MEOX1: variants seen among roughly 807,000 people sequenced by gnomAD.
MEOX1 encodes the protein homeobox protein MOX-1.
In MEOX1, 17 loss-of-function variants were observed where a neutral mutation model predicts 23.2. The ratio of observed to expected loss-of-function variants is 0.73; its 90% CI spans 0.50 to 1.10. The LOEUF (loss-of-function observed/expected upper bound fraction) is 1.10, where lower values mean the gene tolerates loss of function less well. Ranked by LOEUF, MEOX1 falls within the 50% of genes least tolerant of loss-of-function variation. The pLI is 0.00. For synonymous variants in MEOX1, 134 were observed against 135.1 expected, an observed-to-expected ratio of 0.99 and a Z score of 0.06; for missense variants, 333 against 332.2, an observed-to-expected ratio of 1.00 and a Z score of -0.02.
At chr17:43,646,013 A>G (rs1783692372) in intron 1 of MEOX1, among the ~76,000 whole-genome samples, 1 of 152,174 alleles carries the variant, frequency 6.6e-6, no homozygotes, top group South Asian at 2.1e-4. Flanking sequence ...GAACTCGAGA[A>G]GGCGGGGGAG....
At chr17:43,645,407 G>C (rs931935426) in intron 1 of MEOX1, among the ~76,000 whole-genome samples, 1 of 152,072 alleles carries the variant, frequency 6.6e-6, no homozygotes, top group Non-Finnish European at 1.5e-5. Context: ...TCGATCTCCT[G>C]ACCTCGTGAT....
chr17:43,660,979 G>A, intron 1 of MEOX1, 87 bp downstream of exon 1: 1 of 833,656 alleles, frequency 1.2e-6, no homozygotes, highest in East Asian at 2.8e-5. Flanking sequence ...AGAAATTCAT[G>A]CTCAGAGCAC....
intron 1 of MEOX1, among the ~76,000 whole-genome samples, chr17:43,652,033 C>G (rs1972927649): frequency 6.6e-6 from 1 of 152,222 alleles, no homozygotes; most frequent in Non-Finnish European, 1.5e-5. Flanking sequence ...TGGCCGAGGC[C>G]TGGGTCCTGC....
chr17:43,653,787 C>T (rs949601000), intron 1 of MEOX1, among the ~76,000 whole-genome samples: 13 of 152,002 alleles, frequency 8.6e-5, no homozygotes, highest in Admixed American at 5.2e-4. Context: ...GGATTACAGG[C>T]GTGAGCCACC....
chr17:43,648,168 A>G (rs553127410), intron 1 of MEOX1, among the ~76,000 whole-genome samples: 1 of 152,216 alleles, frequency 6.6e-6, no homozygotes, highest in East Asian at 1.9e-4. Context: ...ACCCTGCCAC[A>G]TGAAAGTAAC....
rs765346919 is a variant in MEOX1 at position 43,643,668 on chromosome 17, G to A, written c.470-8C>T. 6.2e-7 allele frequency: 1 copy of A among 1,610,924 alleles called. No individual in the cohort carries two copies. Among genetic ancestry groups the A allele is most frequent in the Non-Finnish European group, 8.5e-7 (1 of 1,178,726 alleles). ...CTCTGTTCTCCTGGTTGTCTGGGGA[G>A]AGAGGACCCCAAACAGGAAGACATG... On this transcript the variant is annotated splice_region_variant and splice_polypyrimidine_tract_variant and intron_variant, in intron 1 of 2. Transcript: ENST00000318579.
At chr17:43,651,842 G>C (rs1465647627) in intron 1 of MEOX1, among the ~76,000 whole-genome samples, 1 of 152,240 alleles carries the variant, frequency 6.6e-6, no homozygotes, top group Non-Finnish European at 1.5e-5. Context: ...GAGCTGAGGT[G>C]ACCCCTGGGC....
At chr17:43,653,141 CTT>C (rs112378872) in intron 1 of MEOX1, among the ~76,000 whole-genome samples, 11 of 116,080 alleles carry the variant, frequency 9.5e-5, no homozygotes, top group Admixed American at 2.7e-4. Flanking sequence ...CTACCATTGC[CTT>C]TTTTTTTTTT....
chr17:43,654,457 G>A lies in MEOX1; in HGVS notation c.469+6609C>T, dbSNP rs147142125. On this transcript the variant is annotated intron_variant, in intron 1 of 2. Transcript: ENST00000318579. ...TGGGAGGCAGAGATTGCAGTGAGCC[G>A]TGATCACGCCATTGTGCTCTAGCCA... Among the ~76,000 whole-genome samples, 636 of 152,150 alleles carry A rather than the reference G, an allele frequency of 4.2e-3. 4 individuals are homozygous for A. The highest frequency in any genetic ancestry group is 0.014 in the Middle Eastern group (4 of 292).
rs558730946 is a variant in MEOX1 at position 43,653,511 on chromosome 17, CTTTT to C, written c.469+7551_469+7554del. On this transcript the variant is annotated intron_variant, in intron 1 of 2. Transcript: ENST00000318579. Reference sequence around the variant, plus strand: ...AGATTCACTCCTAAAACTGCCTCCACTTTTTTTTTTTTTTTTTGAGACAGAGTCT... The same window carrying C: ...AGATTCACTCCTAAAACTGCCTCCACTTTTTTTTTTTTTGAGACAGAGTCT... Among the ~76,000 whole-genome samples the C allele has an allele frequency of 1.9e-4, 26 of 137,882 alleles. 1 individual carries two copies. Among genetic ancestry groups the C allele is most frequent in the Admixed American group, 8.8e-4 (12 of 13,602 alleles). 90.5% of individuals were successfully genotyped at this position (137,882 alleles called of 152,430 possible).
intron 1 of MEOX1, among the ~76,000 whole-genome samples, chr17:43,644,405 G>T (rs1434107227): frequency 6.6e-6 from 1 of 152,242 alleles, no homozygotes; most frequent in Non-Finnish European, 1.5e-5. Context: ...AGTCATAACT[G>T]CCAACAGGGT....
chr17:43,646,242 C>T (rs1323338595), intron 1 of MEOX1, among the ~76,000 whole-genome samples: 5 of 152,134 alleles, frequency 3.3e-5, no homozygotes, highest in African/African-American at 1.2e-4. Flanking sequence ...CAGGGAAGGA[C>T]GCGCAGCCCC....
chr17:43,651,226 G>A (rs1218811496), intron 1 of MEOX1, among the ~76,000 whole-genome samples: 1 of 152,172 alleles, frequency 6.6e-6, no homozygotes, highest in East Asian at 1.9e-4. Flanking sequence ...GGCTGAGGCA[G>A]GAGAATGGCA....
At chr17:43,657,188 T>G (rs1276575323) in intron 1 of MEOX1, among the ~76,000 whole-genome samples, 5 of 113,190 alleles carry the variant, frequency 4.4e-5, no homozygotes, top group African/African-American at 1.8e-4. Flanking sequence ...TTTTTTTTTT[T>G]GATGTAGTCC....
chr17:43,657,340 ATTTTTTTTTTTTT>A (rs34747408), intron 1 of MEOX1, among the ~76,000 whole-genome samples: 1 of 122,240 alleles, frequency 8.2e-6, no homozygotes, highest in South Asian at 2.7e-4. Context: ...CACCTGGCTA[ATTTTTTTTTTTTT>A]TTTTTGTATT....
intron 1 of MEOX1, among the ~76,000 whole-genome samples, chr17:43,658,195 C>T (rs1973073877): frequency 6.6e-6 from 1 of 152,200 alleles, no homozygotes; most frequent in East Asian, 1.9e-4. Flanking sequence ...CAAGGGCATG[C>T]CCAACCCCTC....
At chr17:43,655,779 A>G (rs1196879046) in intron 1 of MEOX1, among the ~76,000 whole-genome samples, 1 of 152,054 alleles carries the variant, frequency 6.6e-6, no homozygotes, top group Non-Finnish European at 1.5e-5. Context: ...CAAACATTGC[A>G]TGATTTCACT....
intron 1 of MEOX1, among the ~76,000 whole-genome samples, chr17:43,656,990 C>T (rs1973031803): frequency 7.2e-6 from 1 of 138,706 alleles, no homozygotes; most frequent in Non-Finnish European, 1.5e-5. Flanking sequence ...CATTTTCTTT[C>T]TTTCTTTTTC....
chr17:43,660,025 C>A (rs1973108334), intron 1 of MEOX1, among the ~76,000 whole-genome samples: 1 of 152,212 alleles, frequency 6.6e-6, no homozygotes, highest in Non-Finnish European at 1.5e-5. Flanking sequence ...CCCTGGTTAG[C>A]CCCATGGGAA....
Sources: allele counts gnomAD v4.1 joint callset (sites outside exome capture counted in the v4.1 genomes callset), GRCh38; gene constraint gnomAD v4.1.1; transcripts MANE v1.5; gene names NCBI Gene and HGNC (gene_info 2026-07-23, HGNC 2026-07-21).